The following ABHD2 variants were observed in gnomAD, a reference collection of about 807,000 sequenced individuals.
ABHD2 encodes the protein abhydrolase domain containing 2, acylglycerol lipase, also known as monoacylglycerol lipase ABHD2.
ABHD2 carries 20 observed loss-of-function variants against 48.1 expected under a neutral mutation model. That is an observed-to-expected ratio of 0.42 (90% confidence interval 0.29 to 0.60). The LOEUF is 0.60. Among genes scored for constraint, ABHD2 ranks in the 20% least tolerant of loss-of-function variants. The probability of loss-of-function intolerance (pLI) is 0.24; values close to 1 mark genes in which losing one functional copy is unlikely to be tolerated. For synonymous variants in ABHD2, 209 were observed against 214.2 expected (o/e 0.98, Z 0.21); for missense variants, 405 against 550.9 (o/e 0.74, Z 2.65).
chr15:89,078,894 C>T, the ABHD2 span, among the ~76,000 whole-genome samples: 1 of 152,084 alleles, frequency 6.6e-6, no homozygotes, highest in African/African-American at 2.4e-5. Flanking sequence ...CCAAGCCTGG[C>T]TAATTTTTTG....
Position 89,116,283 on chromosome 15 carries a change from C to A in ABHD2, c.-6-39C>A. On this transcript the variant is annotated intron_variant, in intron 2 of 10. Transcript: ENST00000352732. The surrounding 1 kb of genome is among the most constrained non-coding windows in gnomAD (Gnocchi z 4.6). ...GGGTGGTGGGCACCACCCGTCCTCA[C>A]TGTGCTTGTAAACTTAGACCTGTGC... 6.3e-7 allele frequency: 1 copy of A among 1,582,446 alleles called. No individual in the cohort carries two copies. Among genetic ancestry groups the A allele is most frequent in the Admixed American group, 1.7e-5 (1 of 58,198 alleles).
chr15:89,085,240 C>T (rs1173808582), upstream of ABHD2, among the ~76,000 whole-genome samples: 1 of 151,930 alleles, frequency 6.6e-6, no homozygotes, highest in Non-Finnish European at 1.5e-5. The surrounding 1 kb of genome is among the most constrained non-coding windows in gnomAD (Gnocchi z 4.2). Flanking sequence ...TTTTTTATTA[C>T]AAGGTACTGT....
chr15:89,108,352 T>C (rs1273844280), intron 1 of ABHD2, among the ~76,000 whole-genome samples: 1 of 152,226 alleles, frequency 6.6e-6, no homozygotes, highest in Non-Finnish European at 1.5e-5. Flanking sequence ...TCCACTTCCA[T>C]CTTCACGTGG....
chr15:89,056,901 G>A, the ABHD2 span, among the ~76,000 whole-genome samples: 1 of 139,894 alleles, frequency 7.1e-6, no homozygotes. Flanking sequence ...CAGTTTATAA[G>A]TGATACCTTT....
the ABHD2 span, among the ~76,000 whole-genome samples, chr15:89,067,443 A>G: frequency 6.6e-6 from 1 of 152,222 alleles, no homozygotes; most frequent in African/African-American, 2.4e-5. Context: ...GTCTAGACAC[A>G]TTCCAGAGGC....
At chr15:89,063,050 C>T in the ABHD2 span, among the ~76,000 whole-genome samples, 2 of 151,434 alleles carry the variant, frequency 1.3e-5, no homozygotes, top group Non-Finnish European at 2.9e-5. Flanking sequence ...TCACTGCAAC[C>T]TCCACCTCCT....
intron 3 of ABHD2, among the ~76,000 whole-genome samples, chr15:89,119,056 G>A (rs2050007061): frequency 6.6e-6 from 1 of 152,162 alleles, no homozygotes; most frequent in African/African-American, 2.4e-5. Flanking sequence ...GTCATTGGCT[G>A]ATTGCCACCC....
Position 89,185,354 on chromosome 15 carries a change from A to G in ABHD2, c.723-70A>G. 1.6e-6 allele frequency: 2 copies of G among 1,261,064 alleles called. No individual in the cohort carries two copies. The highest frequency in any genetic ancestry group is 2.3e-6 in the Non-Finnish European group (2 of 866,750). The allele number at this position is 1,261,064 out of a possible 1,614,324, so 78.1% of individuals were successfully genotyped here. ...CACACAAGCACCTCACCCCATGGCT[A>G]GAGCCCCCTCCTGGCTGCCCGCCTG... On this transcript the variant is annotated intron_variant, in intron 6 of 10. Coordinates refer to ENST00000352732, the MANE Select transcript of ABHD2 (RefSeq NM_152924.5). The surrounding 1 kb of genome is among the most constrained non-coding windows in gnomAD (Gnocchi z 5.9).
intron 3 of ABHD2, among the ~76,000 whole-genome samples, chr15:89,122,648 A>G (rs572104917): frequency 1.3e-5 from 2 of 152,336 alleles, no homozygotes; most frequent in South Asian, 4.1e-4. Context: ...ATGGCAGTTC[A>G]CAGCCTCCAC....
intron 1 of ABHD2, among the ~76,000 whole-genome samples, chr15:89,095,690 C>A (rs2049601399): frequency 6.6e-6 from 1 of 152,182 alleles, no homozygotes; most frequent in African/African-American, 2.4e-5. Context: ...CGTGTCCCCA[C>A]CACACTTTTT....
At position 89,155,502 on chromosome 15, in the gene ABHD2, T is replaced by A; in HGVS notation, c.506T>A (p.Ile169Asn). The change falls in exon 5 of 11, where the codon ATT (isoleucine) becomes AAT (asparagine). Residue 169 changes from isoleucine (I) to asparagine (N), a missense_variant. Coordinates refer to ENST00000352732, the MANE Select transcript of ABHD2 (RefSeq NM_152924.5). This position sits in a 1 kb window ranked among gnomAD's most constrained non-coding sequence, Gnocchi z 4.9. ...AACCACCTGGGTGCCCTGCCCAACATTGAATTGACCTCGCCACGCATGTTC... is the reference window on the plus strand; with the variant it reads ...AACCACCTGGGTGCCCTGCCCAACAATGAATTGACCTCGCCACGCATGTTC... ...VLNHLGALPN[I>N]ELTSPRMFTY... is the part of the protein sequence containing the mutation. 6.2e-7 allele frequency: 1 copy of A among 1,614,088 alleles called. No individual in the cohort carries two copies. Among genetic ancestry groups the A allele is most frequent in the Non-Finnish European group, 8.5e-7 (1 of 1,179,970 alleles).
upstream of ABHD2, among the ~76,000 whole-genome samples, chr15:89,084,013 C>A (rs527432771): frequency 1.1e-4 from 16 of 152,282 alleles, no homozygotes; most frequent in African/African-American, 3.6e-4. This position sits in a 1 kb window ranked among gnomAD's most constrained non-coding sequence, Gnocchi z 4.4. Flanking sequence ...CATGTCATGA[C>A]TGCAGGAATA....
chr15:89,185,515 A>G lies in ABHD2; in HGVS notation c.814A>G (p.Arg272Gly), dbSNP rs772792345. ...CATGAAGAAGATCATCCTCTCGCAC[A>G]GGTAGGTCACCTTCCGTTCTCTCTC... ...DNMKKIILSH[R>G]QALFGDHVKK... Residue 272 changes from arginine to glycine, a missense_variant and splice_region_variant, in exon 7 of 11, where the codon AGG becomes GGG. Physicochemically the swap from Arg to Gly is moderately radical, Grantham distance 125. Coordinates refer to ENST00000352732, the MANE Select transcript of ABHD2 (RefSeq NM_152924.5). The surrounding 1 kb of genome is among the most constrained non-coding windows in gnomAD (Gnocchi z 5.9). The G allele has an allele frequency of 6.2e-7, 1 of 1,613,786 alleles. No individual in the cohort carries two copies. The highest frequency in any genetic ancestry group is 8.5e-7 in the Non-Finnish European group (1 of 1,179,720).
Position 89,135,143 on chromosome 15 carries a change from C to CTTTTCTTTTTTT in ABHD2, c.195-16530_195-16529insCTTTTTTTTTTT, listed in dbSNP as rs1555429068. On this transcript the variant is annotated intron_variant, in intron 3 of 10. Transcript: ENST00000352732. ...GTCAACAAAATGGCTACAACTTTTT[C>CTTTTCTTTTTTT]TTTTTTTTTTTTTTTTTTGCAATTA... is the stretch of plus-strand genomic sequence containing the variant. 2.3e-4 allele frequency among the ~76,000 whole-genome samples: 26 copies of CTTTTCTTTTTTT among 112,170 alleles called. 3 individuals carry two copies. Among genetic ancestry groups the CTTTTCTTTTTTT allele is most frequent in the African/African-American group, 4.2e-4 (13 of 31,152 alleles). The allele number at this position is 112,170 out of a possible 152,430, so 73.6% of individuals were successfully genotyped here. A position where few individuals can be genotyped will look rare whatever the true frequency, so the allele number is the denominator to read the frequency against.
chr15:89,098,694 C>T (rs1281995401), intron 1 of ABHD2, among the ~76,000 whole-genome samples: 4 of 152,124 alleles, frequency 2.6e-5, no homozygotes, highest in African/African-American at 9.7e-5. Context: ...TGGAAAATGC[C>T]GAGTAGATTA....
At position 89,195,198 on chromosome 15, in the gene ABHD2, T is replaced by C. The variant is rs753198342; in HGVS notation, c.1082-29T>C. On this transcript the variant is annotated intron_variant, in intron 10 of 10. Coordinates refer to ENST00000352732, the MANE Select transcript of ABHD2 (RefSeq NM_152924.5). This position sits in a 1 kb window ranked among gnomAD's most constrained non-coding sequence, Gnocchi z 5.1. ...TGTCCTGGAGCAAACTAGAGAACAG[T>C]AACTCACTCAGCTGCGTTTCCCCTG... 4.2e-5 allele frequency: 67 copies of C among 1,602,376 alleles called. No individual in the cohort carries two copies. The highest frequency in any genetic ancestry group is 4.0e-4 in the Admixed American group (24 of 59,284).
chr15:89,140,167 C>T (rs1299688442), intron 3 of ABHD2, among the ~76,000 whole-genome samples: 1 of 152,158 alleles, frequency 6.6e-6, no homozygotes, highest in Non-Finnish European at 1.5e-5. Context: ...ACAGTCAGAG[C>T]CTGTGGACTT....
intron 3 of ABHD2, among the ~76,000 whole-genome samples, chr15:89,126,020 C>G (rs1288490398): frequency 6.6e-6 from 1 of 152,142 alleles, no homozygotes; most frequent in African/African-American, 2.4e-5. Flanking sequence ...CTTTATGTGC[C>G]GAGCATTCTT....
intron 6 of ABHD2, among the ~76,000 whole-genome samples, chr15:89,180,285 A>ATTTTT: frequency 6.7e-6 from 1 of 149,958 alleles, no homozygotes; most frequent in South Asian, 2.1e-4. Flanking sequence ...GTTGTTGTTA[A>ATTTTT]TTTTTTTTTT....
Sources: allele counts gnomAD v4.1 joint callset (sites outside exome capture counted in the v4.1 genomes callset), GRCh38; gene constraint gnomAD v4.1.1; non-coding constraint Gnocchi (gnomAD v3.1); transcripts MANE v1.5; gene names NCBI Gene and HGNC (gene_info 2026-07-23, HGNC 2026-07-21).